Variants in C8orf33 observed in about 807,000 individuals in gnomAD.
The protein encoded by C8orf33 is UPF0488 protein C8orf33.
Under a neutral mutation model 25.7 loss-of-function variants are expected in C8orf33, and 28 were observed. That is an observed-to-expected ratio of 1.09 (90% CI 0.81 to 1.49). The LOEUF (loss-of-function observed/expected upper bound fraction) is 1.49, where lower values mean the gene tolerates loss of function less well. Among genes scored for constraint, C8orf33 ranks in the 40% most tolerant of loss-of-function variants. The pLI is 0.00. For synonymous variants in C8orf33, 153 were observed against 115.9 expected, an observed-to-expected ratio of 1.32 and a Z score of -2.06; for missense variants, 369 against 294.4, an observed-to-expected ratio of 1.25 and a Z score of -1.85.
At chr8:145,053,830 C>CTA in intron 4 of C8orf33, 188 bp from the exon 5 acceptor site, 1 of 723,150 alleles carries the variant, frequency 1.4e-6, no homozygotes, top group Non-Finnish European at 2.3e-6. Context: ...CATAGTAGTA[C>CTA]TAACACCTTT....
chr8:145,053,555 G>A (rs1213603167), intron 4 of C8orf33, 112 bp downstream of exon 4: 3 of 1,073,770 alleles, frequency 2.8e-6, no homozygotes, highest in Non-Finnish European at 4.0e-6. Context: ...AAGGAGATGG[G>A]CTCAGGGAAG....
In C8orf33 at chr8:145,052,643, G is replaced by T. The variant is rs1004920487; in HGVS notation, c.64G>T (p.Ala22Ser). ...GGCCCCAGGCCCGGGTACTCCCTGC[G>T]CGTCCCGCGGAGCCCGGCTTCCCGG... ...AAAPGPGTPC[A>S]SRGARLPGPV... Residue 22 changes from alanine (A) to serine (S), a missense_variant, in exon 2 of 5, where the codon GCG becomes TCG. Coordinates refer to ENST00000331434, the MANE Select transcript of C8orf33 (RefSeq NM_023080.3). The T allele has an allele frequency of 1.6e-5, 26 of 1,612,148 alleles. No homozygotes were observed. Among genetic ancestry groups the T allele is most frequent in the Non-Finnish European group, 2.1e-5 (25 of 1,179,992 alleles).
chr8:145,055,200 A>G lies in C8orf33; in HGVS notation c.*1043A>G, dbSNP rs1835340698. Reference sequence around the variant, plus strand: ...GCTGTTCCAGTATAATAAAATATATAAAATAAGAAGAGTTATACTAGATCT... The same window carrying G: ...GCTGTTCCAGTATAATAAAATATATGAAATAAGAAGAGTTATACTAGATCT... On this transcript the variant is annotated 3_prime_UTR_variant, in exon 5 of 5. Coordinates refer to ENST00000331434, the MANE Select transcript of C8orf33 (RefSeq NM_023080.3). 1 of 152,166 alleles carries G rather than the reference A, an allele frequency of 6.6e-6. No homozygotes were observed. Among genetic ancestry groups the G allele is most frequent in the African/African-American group, 2.4e-5 (1 of 41,414 alleles). The allele number at this position is 152,166 out of a possible 1,614,324, so 9.4% of individuals were successfully genotyped here.
rs1835333559 is a variant in C8orf33, at chr8:145,054,733, G to T, written c.*576G>T. On this transcript the variant is annotated 3_prime_UTR_variant, in exon 5 of 5. Transcript: ENST00000331434. Reference sequence around the variant, plus strand: ...CTTTGTGCATGTTGCCTTCATTCCTGAGCAGGTATCATCCTCAGGGAACCA... The same window carrying T: ...CTTTGTGCATGTTGCCTTCATTCCTTAGCAGGTATCATCCTCAGGGAACCA... 6.6e-6 allele frequency: 1 copy of T among 152,550 alleles called. No homozygotes were observed. Among genetic ancestry groups the T allele is most frequent in the Non-Finnish European group, 1.5e-5 (1 of 68,366 alleles). The allele number at this position is 152,550 out of a possible 1,614,324, so 9.4% of individuals were successfully genotyped here.
rs1382916277 is a variant in C8orf33 at position 145,053,979 on chromosome 8, T to C, written c.551-39T>C. ...ACTGTACAGGTAATGTTAATTGTTATTATTCAGTTCTGACATACGCTGCTT... is the reference window on the plus strand; with the variant it reads ...ACTGTACAGGTAATGTTAATTGTTACTATTCAGTTCTGACATACGCTGCTT... On this transcript the variant is annotated intron_variant, in intron 4 of 4. Transcript: ENST00000331434. The C allele has an allele frequency of 5.6e-6, 9 of 1,603,750 alleles. No homozygotes were observed. The Admixed American group carries it at 1.2e-4, about 21-fold the overall frequency.
chr8:145,052,513 A>T lies in C8orf33; in HGVS notation c.6+16A>T. 1.3e-6 allele frequency: 2 copies of T among 1,599,686 alleles called. No homozygotes were observed. On this transcript the variant is annotated intron_variant, in intron 1 of 4. Transcript: ENST00000331434. ...GCGCATGGCGGTGAGCGGTGTGGAGAAGACGCGCGGGTGGCTGGGCCTTGC... is the reference window on the plus strand; with the variant it reads ...GCGCATGGCGGTGAGCGGTGTGGAGTAGACGCGCGGGTGGCTGGGCCTTGC...
rs1296325792 is a variant in C8orf33 at position 145,054,844 on chromosome 8, C to G, written c.*687C>G. 6.6e-6 allele frequency: 1 copy of G among 152,238 alleles called. No homozygotes were observed. The highest frequency in any genetic ancestry group is 1.5e-5 in the Non-Finnish European group (1 of 68,068). 9.4% of individuals were successfully genotyped at this position (152,238 alleles called of 1,614,324 possible). A position where few individuals can be genotyped will look rare whatever the true frequency, so the allele number is the denominator to read the frequency against. On this transcript the variant is annotated 3_prime_UTR_variant, in exon 5 of 5. Transcript: ENST00000331434. ...TTCTGGCCTGAGACCTGGATTGAGCCTTGGCAGACTTCTTGTCTAAATGTT... is the reference window on the plus strand; with the variant it reads ...TTCTGGCCTGAGACCTGGATTGAGCGTTGGCAGACTTCTTGTCTAAATGTT...
Position 145,053,875 on chromosome 8 carries a change from T to C in C8orf33, c.551-143T>C. 3.9e-6 allele frequency: 4 copies of C among 1,031,558 alleles called. No individual in the cohort carries two copies. The Admixed American group carries it at 6.6e-5, about 17-fold the overall frequency. The allele number at this position is 1,031,558 out of a possible 1,614,324, so 63.9% of individuals were successfully genotyped here. A position where few individuals can be genotyped will look rare whatever the true frequency, so the allele number is the denominator to read the frequency against. ...CTGAACCTCTCTAAGTGGGGGATGA[T>C]AGTAATATCAACCTTACAAATTTGA... is the stretch of plus-strand genomic sequence containing the variant. On this transcript the variant is annotated intron_variant, in intron 4 of 4. Transcript: ENST00000331434.
chr8:145,052,734 A>C lies in C8orf33; in HGVS notation c.155A>C (p.Asn52Thr). The C allele has an allele frequency of 1.2e-6, 2 of 1,614,166 alleles. No homozygotes were observed. Among genetic ancestry groups the C allele is most frequent in the African/African-American group, 1.3e-5 (1 of 75,050 alleles). ...CLCPEQPTCS[N>T]ADSRAHPLGD... ...TGCCCAGAGCAACCTACGTGCAGTA[A>C]CGCTGACTCCAGAGCGCACCCGTTG... The change falls in exon 2 of 5, where the codon AAC becomes ACC. Residue 52 changes from asparagine to threonine, a missense_variant. By Grantham distance (65) the Asn-to-Thr change is moderately conservative. Coordinates refer to ENST00000331434, the MANE Select transcript of C8orf33 (RefSeq NM_023080.3).
In C8orf33 at chr8:145,052,810, G is replaced by A; in HGVS notation, c.231G>A (p.Thr77=). 1 of 1,614,024 alleles carries A rather than the reference G, an allele frequency of 6.2e-7. No individual in the cohort carries two copies. The highest frequency in any genetic ancestry group is 8.5e-7 in the Non-Finnish European group (1 of 1,180,026). Reference sequence around the variant, plus strand: ...AAAAACAAAAGAATAAGAAGAAAACGCGGAACAGGGCCTCTGTGGCAAATG... The same window carrying A: ...AAAAACAAAAGAATAAGAAGAAAACACGGAACAGGGCCTCTGTGGCAAATG... ...ASKKQKNKKK[T]RNRASVANGG... is the part of the protein sequence containing the mutation. The change falls in exon 2 of 5, where the codon ACG becomes ACA. Residue 77 remains threonine, a synonymous_variant. Transcript: ENST00000331434.
At position 145,054,659 on chromosome 8, in the gene C8orf33, A is replaced by G. The variant is rs531868871; in HGVS notation, c.*502A>G. ...TGACCACCTATGTTAGAGGAAGTAC[A>G]GAAGATGCAGGGGTGTGGTATCCCT... On this transcript the variant is annotated 3_prime_UTR_variant, in exon 5 of 5. Coordinates refer to ENST00000331434, the MANE Select transcript of C8orf33 (RefSeq NM_023080.3). The G allele has an allele frequency of 2.5e-4, 38 of 154,074 alleles. 2 individuals are homozygous for G. The South Asian group carries it at 7.6e-3, about 31-fold the overall frequency. 9.5% of individuals were successfully genotyped at this position (154,074 alleles called of 1,614,324 possible).
chr8:145,055,601 T>C lies in C8orf33; in HGVS notation c.*1444T>C, dbSNP rs1266186895. On this transcript the variant is annotated 3_prime_UTR_variant, in exon 5 of 5. Coordinates refer to ENST00000331434, the MANE Select transcript of C8orf33 (RefSeq NM_023080.3). ...TTAGAGAAGACTACTCCTCCACCTC[T>C]TGTGGAGGGCCTGACATCAGTCAGG... The C allele has an allele frequency of 2.6e-5, 4 of 155,202 alleles. No homozygotes were observed. The highest frequency in any genetic ancestry group is 1.9e-4 in the South Asian group (1 of 5,250). The allele number at this position is 155,202 out of a possible 1,614,324, so 9.6% of individuals were successfully genotyped here.
intron 4 of C8orf33, 73 bp downstream of exon 4, chr8:145,053,516 A>G (rs886862569): frequency 2.0e-6 from 3 of 1,511,750 alleles, no homozygotes; most frequent in Non-Finnish European, 2.7e-6. Context: ...TGAAAGGAAG[A>G]AGGCCCAGAG....
In C8orf33 at chr8:145,052,773, G is replaced by A; in HGVS notation, c.194G>A (p.Gly65Asp). 1 of 1,614,190 alleles carries A rather than the reference G, an allele frequency of 6.2e-7. No individual in the cohort carries two copies. The change falls in exon 2 of 5, where the codon GGC (glycine) becomes GAC (aspartate). Residue 65 changes from glycine to aspartate, a missense_variant. Gly to Asp is a moderately conservative substitution (Grantham distance 94, BLOSUM62 -1). Transcript: ENST00000331434. ...SRAHPLGDEG[G>D]TASKKQKNKK... ...GCGCACCCGTTGGGCGATGAAGGCG[G>A]CACAGCGTCGAAAAAACAAAAGAAT...
At position 145,055,395 on chromosome 8, in the gene C8orf33, G is replaced by A. The variant is rs1196427036; in HGVS notation, c.*1238G>A. 1 of 152,848 alleles carries A rather than the reference G, an allele frequency of 6.5e-6. No homozygotes were observed. The highest frequency in any genetic ancestry group is 1.5e-5 in the Non-Finnish European group (1 of 68,514). 9.5% of individuals were successfully genotyped at this position (152,848 alleles called of 1,614,324 possible). On this transcript the variant is annotated 3_prime_UTR_variant, in exon 5 of 5. Coordinates refer to ENST00000331434, the MANE Select transcript of C8orf33 (RefSeq NM_023080.3). ...AGTGCGAAGTGGCCAGAAGACAAGA[G>A]TGTGAGCCTTCTCTTATGCCCGGAC...
In C8orf33 at chr8:145,052,658, C is replaced by G. The variant is rs763789746; in HGVS notation, c.79C>G (p.Arg27Gly). 1.2e-6 allele frequency: 2 copies of G among 1,613,248 alleles called. No homozygotes were observed. The highest frequency in any genetic ancestry group is 8.5e-7 in the Non-Finnish European group (1 of 1,180,014). ...PGTPCASRGA[R>G]LPGPVSSARN... ...TACTCCCTGCGCGTCCCGCGGAGCCCGGCTTCCCGGCCCAGTTTCCAGCGC... is the reference window on the plus strand; with the variant it reads ...TACTCCCTGCGCGTCCCGCGGAGCCGGGCTTCCCGGCCCAGTTTCCAGCGC... Residue 27 changes from arginine (R) to glycine (G), a missense_variant, in exon 2 of 5, where the codon CGG becomes GGG. Coordinates refer to ENST00000331434, the MANE Select transcript of C8orf33 (RefSeq NM_023080.3).
At position 145,054,166 on chromosome 8, in the gene C8orf33, C is replaced by T. The variant is rs373947092; in HGVS notation, c.*9C>T. On this transcript the variant is annotated 3_prime_UTR_variant, in exon 5 of 5. Transcript: ENST00000331434. ...GGTTCAATTTCTTTTAGCGTCTCCC[C>T]GAACCTGAAACAATCCCCCTCCCTT... The T allele has an allele frequency of 2.3e-5, 37 of 1,613,538 alleles. No individual in the cohort carries two copies. Among genetic ancestry groups the T allele is most frequent in the African/African-American group, 2.1e-4 (16 of 74,984 alleles).
In C8orf33 at chr8:145,052,801, G is replaced by A; in HGVS notation, c.222G>A (p.Lys74=). ...CAGCGTCGAAAAAACAAAAGAATAA[G>A]AAGAAAACGCGGAACAGGGCCTCTG... ...GGTASKKQKN[K]KKTRNRASVA... The change falls in exon 2 of 5, where the codon AAG becomes AAA. Residue 74 remains lysine, a synonymous_variant. Transcript: ENST00000331434. 6.2e-7 allele frequency: 1 copy of A among 1,614,068 alleles called. No individual in the cohort carries two copies. The highest frequency in any genetic ancestry group is 8.5e-7 in the Non-Finnish European group (1 of 1,180,022).
Position 145,054,090 on chromosome 8 carries a change from G to A in C8orf33, c.623G>A (p.Arg208His), listed in dbSNP as rs201217995. 1.3e-4 allele frequency: 207 copies of A among 1,614,048 alleles called. 1 individual carries two copies. Among genetic ancestry groups the A allele is most frequent in the Admixed American group, 6.0e-4 (36 of 60,006 alleles). ...AAGAGCCAAAGGGTCTGCAGGCCTCGCTCTATATGGAGAGCCAAAGCCACT... is the reference window on the plus strand; with the variant it reads ...AAGAGCCAAAGGGTCTGCAGGCCTCACTCTATATGGAGAGCCAAAGCCACT... ...RKKSQRVCRP[R>H]SIWRAKATLD... Residue 208 changes from arginine to histidine, a missense_variant, in exon 5 of 5, where the codon CGC becomes CAC. By Grantham distance (29) the Arg-to-His change is conservative. Transcript: ENST00000331434.
Sources: gnomAD v4.1 joint callset for allele counts on GRCh38, gnomAD v4.1.1 for gene constraint, MANE v1.5 for transcripts, NCBI Gene and HGNC (gene_info 2026-07-23, HGNC 2026-07-21) for gene names.